Variants in CARD9 observed in about 807,000 individuals in gnomAD.
The protein encoded by CARD9 is caspase recruitment domain-containing protein 9.
Under a neutral mutation model 66.0 loss-of-function variants are expected in CARD9, and 53 were observed. The ratio of observed to expected loss-of-function variants is 0.80; its 90% CI spans 0.64 to 1.01. The LOEUF (loss-of-function observed/expected upper bound fraction) is 1.01. Among genes scored for constraint, CARD9 ranks in the 50% least tolerant of loss-of-function variants. The pLI, the probability that CARD9 is intolerant of heterozygous loss-of-function variation, is 0.00. For synonymous variants in CARD9, 387 were observed against 313.8 expected (o/e 1.23, Z -2.47); for missense variants, 769 against 743.2 (o/e 1.03, Z -0.40).
chr9:136,370,787 G>A (rs1478848672), intron 4 of CARD9, 54 bp downstream of exon 4: 2 of 1,602,692 alleles, frequency 1.2e-6, no homozygotes, highest in South Asian at 2.2e-5. Flanking sequence ...CCGGCCTGCA[G>A]ACCCCGCCAG....
At chr9:136,364,580 G>A (rs1358748629) in intron 11 of CARD9, 21 bp from the exon 12 acceptor site, 3 of 1,534,152 alleles carry the variant, frequency 2.0e-6, no homozygotes, top group East Asian at 2.4e-5. Context: ...GGGAAGGCTC[G>A]GGCTCCGGCC....
At chr9:136,370,734 T>G in intron 4 of CARD9, 33 bp from the exon 5 acceptor site, 1 of 1,612,510 alleles carries the variant, frequency 6.2e-7, no homozygotes, top group Middle Eastern at 1.7e-4. Context: ...GGCTGTCCCC[T>G]CCAGGCGGTG....
intron 10 of CARD9, chr9:136,365,887 G>A (rs1417174611): frequency 6.5e-6 from 1 of 153,002 alleles, no homozygotes; most frequent in Non-Finnish European, 1.5e-5. Flanking sequence ...GCCACCCAGG[G>A]GGATGGGGGC....
rs1402887021 is a variant in CARD9 at position 136,371,113 on chromosome 9, G to A, written c.355C>T (p.Leu119=). ...ASGESGLTQL[L]MTEVMKLQKK... The stretch of plus-strand genomic sequence containing the variant: ...TGCAGCTTCATGACCTCAGTCATCA[G>A]CAGCTGAGTCAGGCCTGACTCCCCG... Residue 119 remains leucine, a synonymous_variant, in exon 4 of 13, where the codon CTG becomes TTG. Transcript: ENST00000371732. The A allele has an allele frequency of 5.0e-6, 8 of 1,612,624 alleles. No homozygotes were observed. The highest frequency in any genetic ancestry group is 5.9e-6 in the Non-Finnish European group (7 of 1,179,912).
At chr9:136,367,913 A>G in intron 7 of CARD9, 85 bp from the exon 8 acceptor site, 1 of 1,478,938 alleles carries the variant, frequency 6.8e-7, no homozygotes, top group Non-Finnish European at 9.0e-7. Context: ...CTCCAAGCAG[A>G]GGCTCCGGAG....
chr9:136,373,509 C>G, intron 1 of CARD9, 23 bp downstream of exon 1: 1 of 985,684 alleles, frequency 1.0e-6, no homozygotes, highest in Non-Finnish European at 1.2e-6. Flanking sequence ...GGCCACCTTT[C>G]AGAAAGCACC....
chr9:136,370,798 G>T (rs1165265388), intron 4 of CARD9, 43 bp downstream of exon 4: 1 of 1,599,480 alleles, frequency 6.3e-7, no homozygotes, highest in Non-Finnish European at 8.5e-7. Flanking sequence ...ACCCCGCCAG[G>T]CCAGGCGAGG....
chr9:136,371,002 T>TGC lies in CARD9; in HGVS notation c.464_465dup (p.Lys156AlafsTer64). 1 of 1,611,596 alleles carries TGC rather than the reference T, an allele frequency of 6.2e-7. No homozygotes were observed. The highest frequency in any genetic ancestry group is 8.5e-7 in the Non-Finnish European group (1 of 1,179,520). On this transcript the variant is annotated frameshift_variant, in exon 4 of 13. Transcript: ENST00000371732. LOFTEE classifies it high-confidence loss of function. Reference sequence around the variant, plus strand: ...AGCCTCTGCACACGCTCCTGGTGCTTGCGCAGCAGGCTGTCCTTCACCCGC... The same window carrying TGC: ...AGCCTCTGCACACGCTCCTGGTGCTTGCGCGCAGCAGGCTGTCCTTCACCCGC...
chr9:136,368,026 C>T (rs1389759768), intron 7 of CARD9, 198 bp from the exon 8 acceptor site: 1 of 1,415,950 alleles, frequency 7.1e-7, no homozygotes, highest in Non-Finnish European at 9.2e-7. Flanking sequence ...GACAGTTGTC[C>T]CTGCTGCCCT....
Position 136,370,623 on chromosome 9 carries a change from G to GC in CARD9, c.705dup (p.His236AlafsTer99). 1 of 1,612,740 alleles carries GC rather than the reference G, an allele frequency of 6.2e-7. No homozygotes were observed. Among genetic ancestry groups the GC allele is most frequent in the Non-Finnish European group, 8.5e-7 (1 of 1,179,910 alleles). On this transcript the variant is annotated frameshift_variant, in exon 5 of 13. Coordinates refer to ENST00000371732, the MANE Select transcript of CARD9 (RefSeq NM_052813.5). LOFTEE classifies it high-confidence loss of function. ...TGGCTGGGCCGCTGCTCCATGGCGT[G>GC]CCTGAGCTTCAGCGTGTGCTTGCGC...
intron 8 of CARD9, 174 bp downstream of exon 8, chr9:136,367,463 C>T: frequency 1.0e-6 from 1 of 956,554 alleles, no homozygotes; most frequent in Non-Finnish European, 1.6e-6. Flanking sequence ...CCACTTCCTG[C>T]TGGGACCCTG....
intron 1 of CARD9, among the ~76,000 whole-genome samples, chr9:136,372,750 GC>G (rs1564370698): frequency 6.6e-6 from 1 of 152,248 alleles, no homozygotes; most frequent in African/African-American, 2.4e-5. Context: ...CTGCGGGGTC[GC>G]TGCACTGGCC....
intron 10 of CARD9, chr9:136,365,497 AC>A: frequency 1.9e-6 from 1 of 539,750 alleles, no homozygotes; most frequent in Non-Finnish European, 3.3e-6. Context: ...CCAGGGAGGA[AC>A]GCCTCCCAGA....
chr9:136,369,692 G>A, intron 7 of CARD9, 58 bp downstream of exon 7: 1 of 1,549,012 alleles, frequency 6.5e-7, no homozygotes, highest in South Asian at 1.2e-5. Context: ...CAAGGGCCGT[G>A]GCCCTGGTGC....
At chr9:136,367,915 G>A in intron 7 of CARD9, 87 bp from the exon 8 acceptor site, 2 of 1,479,528 alleles carry the variant, frequency 1.4e-6, no homozygotes, top group South Asian at 2.6e-5. Context: ...CCAAGCAGAG[G>A]CTCCGGAGGA....
rs968537290 is a variant in CARD9 at position 136,365,127 on chromosome 9, C to T, written c.1434+14G>A. On this transcript the variant is annotated intron_variant, in intron 11 of 12. Coordinates refer to ENST00000371732, the MANE Select transcript of CARD9 (RefSeq NM_052813.5). ...GCCCACGGCTGGGAGGACCCCACCCCGGGGAAGCCTTACATGGGGGTTCCG... is the reference window on the plus strand; with the variant it reads ...GCCCACGGCTGGGAGGACCCCACCCTGGGGAAGCCTTACATGGGGGTTCCG... The T allele has an allele frequency of 1.1e-5, 17 of 1,611,272 alleles. No homozygotes were observed. Among genetic ancestry groups the T allele is most frequent in the Admixed American group, 1.7e-5 (1 of 59,992 alleles).
rs368657832 is a variant in CARD9 at position 136,370,950 on chromosome 9, C to T, written c.518G>A (p.Arg173His). The stretch of plus-strand genomic sequence containing the variant: ...CTCCTCCTTGCAGCGCTTGAGCTCG[C>T]GGCTGCCGGCCTCGCACTCCTCCTT... ...RLKEECEAGS[R>H]ELKRCKEENY... The change falls in exon 4 of 13, where the codon CGC (arginine) becomes CAC (histidine). Residue 173 changes from arginine to histidine, a missense_variant. Transcript: ENST00000371732. The T allele has an allele frequency of 5.4e-5, 87 of 1,611,390 alleles. No individual in the cohort carries two copies. Among genetic ancestry groups the T allele is most frequent in the Admixed American group, 2.2e-4 (13 of 59,864 alleles).
intron 8 of CARD9, 168 bp from the exon 9 acceptor site, chr9:136,367,425 G>A: frequency 1.0e-6 from 1 of 962,996 alleles, no homozygotes; most frequent in Non-Finnish European, 1.6e-6. Context: ...TGATGGCCAG[G>A]CCCAGGACCC....
rs770028236 is a variant in CARD9, at chr9:136,370,711, G to A, written c.628-10C>T. The A allele has an allele frequency of 8.7e-6, 14 of 1,612,684 alleles. No individual in the cohort carries two copies. The highest frequency in any genetic ancestry group is 1.2e-5 in the Non-Finnish European group (14 of 1,179,866). On this transcript the variant is annotated splice_polypyrimidine_tract_variant and intron_variant, in intron 4 of 12. Transcript: ENST00000371732. ...GCTTGAGCTGGTCAATCTGCAGAAG[G>A]TCCAGTGAGCCTGGCTGTCCCCTCC...
Sources: allele counts gnomAD v4.1 joint callset (sites outside exome capture counted in the v4.1 genomes callset), GRCh38; gene constraint gnomAD v4.1.1; transcripts MANE v1.5; gene names NCBI Gene and HGNC (gene_info 2026-07-23, HGNC 2026-07-21).